COLEC12: variants seen among roughly 807,000 people sequenced by gnomAD.
COLEC12 encodes collectin-12.
COLEC12 carries 33 observed loss-of-function variants against 71.1 expected under a neutral mutation model. That is an observed-to-expected ratio of 0.46 (90% CI 0.35 to 0.62). The LOEUF is 0.62. Ranked by LOEUF, COLEC12 falls within the 20% of genes least tolerant of loss-of-function variation. The pLI is 0.00. For missense variants in COLEC12, 765 were observed against 916.1 expected (o/e 0.84, Z 2.13); for synonymous variants, 350 against 353.0 (o/e 0.99, Z 0.10).
At chr18:489,031 G>A (rs72856651) in intron 1 of COLEC12, among the ~76,000 whole-genome samples, 2,100 of 152,134 alleles carry the variant, frequency 0.014, 51 homozygotes, top group Non-Finnish European at 0.014. Flanking sequence ...GGATGAATGG[G>A]CCCATCACTA....
intron 2 of COLEC12, among the ~76,000 whole-genome samples, chr18:396,076 T>C (rs1434595128): frequency 1.3e-5 from 2 of 152,166 alleles, no homozygotes; most frequent in Non-Finnish European, 2.9e-5. Flanking sequence ...GCTTTGTAAA[T>C]GGAGATGGCA....
chr18:492,636 G>A (rs1476901937), intron 1 of COLEC12, among the ~76,000 whole-genome samples: 1 of 151,938 alleles, frequency 6.6e-6, no homozygotes, highest in Non-Finnish European at 1.5e-5. Flanking sequence ...CCTTGGCAGG[G>A]CCTCAAATAC....
At chr18:460,357 G>A (rs181241515) in intron 2 of COLEC12, among the ~76,000 whole-genome samples, 96 of 152,202 alleles carry the variant, frequency 6.3e-4, no homozygotes, top group African/African-American at 8.4e-4. Context: ...TTCATTTTAC[G>A]CATCAGTGAA....
At position 500,523 on chromosome 18, in the gene COLEC12, T is replaced by TG. The variant is rs757733493; in HGVS notation, c.-10dup. The TG allele has an allele frequency of 2.4e-6, 3 of 1,226,148 alleles. No homozygotes were observed. In the African/African-American group the frequency reaches 4.7e-5, roughly 19 times the overall value. The allele number at this position is 1,226,148 out of a possible 1,614,324, so 76.0% of individuals were successfully genotyped here. A position where few individuals can be genotyped will look rare whatever the true frequency, so the allele number is the denominator to read the frequency against. On this transcript the variant is annotated 5_prime_UTR_variant, in exon 1 of 10. Coordinates refer to ENST00000400256, the MANE Select transcript of COLEC12 (RefSeq NM_130386.3). This position sits in a 1 kb window ranked among gnomAD's most constrained non-coding sequence, Gnocchi z 5.3. ...GCCGCCCTACCTTTCATGGTGACCGTGGGGACGCACCGCCGGCCGGGGAGC... is the reference window on the plus strand; with the variant it reads ...GCCGCCCTACCTTTCATGGTGACCGTGGGGGACGCACCGCCGGCCGGGGAGC...
At position 399,164 on chromosome 18, in the gene COLEC12, C is replaced by A. The variant is rs972692910; in HGVS notation, c.59-41642G>T. On this transcript the variant is annotated intron_variant, in intron 2 of 9. Coordinates refer to ENST00000400256, the MANE Select transcript of COLEC12 (RefSeq NM_130386.3). The surrounding 1 kb of genome is among the most constrained non-coding windows in gnomAD (Gnocchi z 4.0). The stretch of plus-strand genomic sequence containing the variant: ...GGAACCAAAAACAACACAAAAAAAC[C>A]CCAATCTGAAACACTATCCAAAAAA... Among the ~76,000 whole-genome samples, 1 of 152,180 alleles carries A rather than the reference C, an allele frequency of 6.6e-6. No homozygotes were observed. The highest frequency in any genetic ancestry group is 1.5e-5 in the Non-Finnish European group (1 of 68,032).
chr18:483,756 C>T (rs1490040492), intron 1 of COLEC12, among the ~76,000 whole-genome samples: 1 of 152,246 alleles, frequency 6.6e-6, no homozygotes, highest in Non-Finnish European at 1.5e-5. Flanking sequence ...GTGTTAATGG[C>T]TGCAGCCTCG....
At chr18:455,929 A>T (rs1274169105) in intron 2 of COLEC12, among the ~76,000 whole-genome samples, 2 of 152,134 alleles carry the variant, frequency 1.3e-5, no homozygotes, top group African/African-American at 4.8e-5. Flanking sequence ...TTTGGGTTGT[A>T]AATAGTTCTT....
intron 2 of COLEC12, among the ~76,000 whole-genome samples, chr18:466,117 G>A (rs906681733): frequency 1.3e-5 from 2 of 152,082 alleles, no homozygotes; most frequent in Non-Finnish European, 2.9e-5. Context: ...GCAGTTGCCT[G>A]TAGTCCCAGC....
At position 331,737 on chromosome 18, in the gene COLEC12, C is replaced by G; in HGVS notation, c.1994G>C (p.Trp665Ser). Residue 665 changes from tryptophan (W) to serine (S), a missense_variant, in exon 8 of 10, where the codon TGG (tryptophan) becomes TCG (serine). Trp to Ser is a radical substitution (Grantham distance 177). Transcript: ENST00000400256. ...KKQMVGRESH[W>S]IGLTDSEREN... is the part of the protein sequence containing the mutation. ...ACGCTCTGAGTCTGTGAGGCCGATC[C>G]AGTGGCTCTCTCTCCCTACCATCTG... The G allele has an allele frequency of 6.2e-7, 1 of 1,614,072 alleles. No individual in the cohort carries two copies. The highest frequency in any genetic ancestry group is 8.5e-7 in the Non-Finnish European group (1 of 1,179,888).
intron 2 of COLEC12, among the ~76,000 whole-genome samples, chr18:379,395 G>A (rs1021354281): frequency 6.6e-6 from 1 of 151,944 alleles, no homozygotes; most frequent in Non-Finnish European, 1.5e-5. Flanking sequence ...CCAAAATGCC[G>A]GGATTACAAA....
rs1286992367 is a variant in COLEC12 at position 320,237 on chromosome 18, G to A, written c.2210-173C>T. On this transcript the variant is annotated intron_variant, in intron 9 of 9. Coordinates refer to ENST00000400256, the MANE Select transcript of COLEC12 (RefSeq NM_130386.3). ...AGATCTTATTTGGATGAAAAGATAA[G>A]TTTCATTTTGAAAAGCCAAGTTTCA... is the stretch of plus-strand genomic sequence containing the variant. Among the ~76,000 whole-genome samples the A allele has an allele frequency of 4.6e-5, 7 of 152,140 alleles. No individual in the cohort carries two copies. The East Asian group carries it at 1.2e-3, about 25-fold the overall frequency.
At chr18:409,145 ACTTATTATCAG>A (rs1915843703) in intron 2 of COLEC12, among the ~76,000 whole-genome samples, 1 of 152,156 alleles carries the variant, frequency 6.6e-6, no homozygotes. Context: ...CATGTACCAC[ACTTATTATCAG>A]CTTATTCCTC....
chr18:417,494 G>A (rs1208234511), intron 2 of COLEC12, among the ~76,000 whole-genome samples: 1 of 152,142 alleles, frequency 6.6e-6, no homozygotes, highest in Non-Finnish European at 1.5e-5. Context: ...GACCAACACA[G>A]ACAAGTTCCC....
rs758690052 is a variant in COLEC12, at chr18:357,489, T to G, written c.92A>C (p.Lys31Thr). ...IQEGTQCTKC[K>T]NNWALKFSII... The stretch of plus-strand genomic sequence containing the variant: ...AGAAAACTTCAGTGCCCAGTTATTT[T>G]TACATTTGGTACATTGTGTTCCTTC... The change falls in exon 3 of 10, where the codon AAA becomes ACA. Residue 31 changes from lysine (K) to threonine (T), a missense_variant. Coordinates refer to ENST00000400256, the MANE Select transcript of COLEC12 (RefSeq NM_130386.3). 1.3e-6 allele frequency: 2 copies of G among 1,592,782 alleles called. No homozygotes were observed. The highest frequency in any genetic ancestry group is 1.7e-6 in the Non-Finnish European group (2 of 1,168,412).
intron 2 of COLEC12, among the ~76,000 whole-genome samples, chr18:373,133 G>T (rs1299517104): frequency 6.6e-6 from 1 of 152,150 alleles, no homozygotes; most frequent in Non-Finnish European, 1.5e-5. Context: ...TTTCCATCTT[G>T]ATGAAAAATG....
chr18:456,778 G>A (rs1414011270), intron 2 of COLEC12, among the ~76,000 whole-genome samples: 1 of 152,180 alleles, frequency 6.6e-6, no homozygotes, highest in African/African-American at 2.4e-5. Flanking sequence ...TTGGCTGCTC[G>A]CTATTTTGAG....
chr18:358,629 G>T (rs1008901706), intron 2 of COLEC12, among the ~76,000 whole-genome samples: 1 of 152,222 alleles, frequency 6.6e-6, no homozygotes, highest in African/African-American at 2.4e-5. Context: ...TGTAAATACA[G>T]ATGATGCTTC....
intron 5 of COLEC12, among the ~76,000 whole-genome samples, chr18:341,589 T>C (rs1028809454): frequency 5.3e-5 from 8 of 152,256 alleles, no homozygotes; most frequent in African/African-American, 1.9e-4. Flanking sequence ...TTTGTGCATA[T>C]GAAGCTGTTT....
At position 328,012 on chromosome 18, in the gene COLEC12, G is replaced by A. The variant is rs115729816; in HGVS notation, c.2063+3656C>T. Reference sequence around the variant, plus strand: ...GCTATTTCTTCCTTTTTTTTTCCTCGTTTTTTTAAGAGATGGGGTCTTGCT... The same window carrying A: ...GCTATTTCTTCCTTTTTTTTTCCTCATTTTTTTAAGAGATGGGGTCTTGCT... On this transcript the variant is annotated intron_variant, in intron 8 of 9. Transcript: ENST00000400256. Among the ~76,000 whole-genome samples the A allele has an allele frequency of 4.1e-3, 614 of 150,866 alleles. 5 individuals are homozygous for A. Among genetic ancestry groups the A allele is most frequent in the African/African-American group, 0.014 (592 of 41,096 alleles).
Sources: gnomAD v4.1 joint callset for allele counts (sites outside exome capture counted in the v4.1 genomes callset) on GRCh38, gnomAD v4.1.1 for gene constraint, Gnocchi (gnomAD v3.1) non-coding constraint, MANE v1.5 for transcripts, NCBI Gene and HGNC (gene_info 2026-07-23, HGNC 2026-07-21) for gene names.